Variants in SCLT1 observed in about 807,000 individuals in gnomAD.
SCLT1 encodes the protein sodium channel-associated protein 1.
A neutral mutation model predicts 112.8 loss-of-function variants in SCLT1; 78 were observed. That is an observed-to-expected ratio of 0.69 (90% confidence interval 0.58 to 0.83). The LOEUF (loss-of-function observed/expected upper bound fraction) is 0.83. Among genes scored for constraint, SCLT1 ranks in the 40% least tolerant of loss-of-function variants. The pLI is 0.00. For missense variants in SCLT1, 747 were observed against 770.4 expected (o/e 0.97, Z 0.36); for synonymous variants, 257 against 254.7 (o/e 1.01, Z -0.09).
intron 5 of SCLT1, among the ~76,000 whole-genome samples, chr4:129,011,383 T>C (rs1392306081): frequency 6.6e-6 from 1 of 152,162 alleles, no homozygotes; most frequent in African/African-American, 2.4e-5. Flanking sequence ...AGTTTTCTTT[T>C]TTGTTGTATC....
At chr4:129,043,368 A>T in intron 4 of SCLT1, 27 bp downstream of exon 4, 2 of 1,143,012 alleles carry the variant, frequency 1.7e-6, no homozygotes, top group Non-Finnish European at 2.6e-6. Context: ...AAAATATTAC[A>T]AAAGCCTCAT....
chr4:129,032,346 A>C (rs1746798387), intron 5 of SCLT1, among the ~76,000 whole-genome samples: 1 of 151,848 alleles, frequency 6.6e-6, no homozygotes, highest in African/African-American at 2.4e-5. Flanking sequence ...ACTCAAAATA[A>C]ATTAAAGACT....
Position 129,081,830 on chromosome 4 carries a change from T to TA in SCLT1, c.102+475dup, listed in dbSNP as rs1751967827. 5.9e-5 allele frequency among the ~76,000 whole-genome samples: 9 copies of TA among 152,350 alleles called. No individual in the cohort carries two copies. The South Asian group carries it at 1.9e-3, about 32-fold the overall frequency. On this transcript the variant is annotated intron_variant, in intron 2 of 20. Coordinates refer to ENST00000281142, the MANE Select transcript of SCLT1 (RefSeq NM_144643.4). ...GAGTCACCACTAATCTACGAGCCATTACCTTCCTTTTAATATTCTGTAATG... is the reference window on the plus strand; with the variant it reads ...GAGTCACCACTAATCTACGAGCCATTAACCTTCCTTTTAATATTCTGTAATG...
At chr4:128,915,760 A>T (rs1212504338) in intron 18 of SCLT1, among the ~76,000 whole-genome samples, 1 of 152,220 alleles carries the variant, frequency 6.6e-6, no homozygotes, top group African/African-American at 2.4e-5. Context: ...TGTTCTGGAT[A>T]TCTACTAGTG....
At chr4:128,881,773 C>T (rs181666921), downstream of SCLT1, among the ~76,000 whole-genome samples, 1 of 152,240 alleles carries the variant, frequency 6.6e-6, no homozygotes, top group East Asian at 1.9e-4. Context: ...GTGTTAAAAA[C>T]TCCACTACAT....
chr4:128,972,288 G>A (rs1313057918), intron 9 of SCLT1: 1 of 152,074 alleles, frequency 6.6e-6, no homozygotes, highest in Non-Finnish European at 1.5e-5. Flanking sequence ...CAACCACACT[G>A]ATTTGGTTTT....
intron 18 of SCLT1, among the ~76,000 whole-genome samples, chr4:128,927,650 A>G (rs1321918375): frequency 6.6e-6 from 1 of 152,086 alleles, no homozygotes; most frequent in Non-Finnish European, 1.5e-5. Flanking sequence ...AAGCTAAGAC[A>G]TAGGGAAAAA....
intron 9 of SCLT1, among the ~76,000 whole-genome samples, chr4:128,991,715 G>C (rs1742587832): frequency 6.6e-6 from 1 of 151,732 alleles, no homozygotes. Context: ...ATAGGTATAT[G>C]AAAAAATGCT....
intron 18 of SCLT1, among the ~76,000 whole-genome samples, chr4:128,923,909 G>A (rs1424187457): frequency 6.6e-6 from 1 of 151,820 alleles, no homozygotes; most frequent in African/African-American, 2.4e-5. Context: ...CCCAGGCTCA[G>A]GTGATCCTCC....
intron 5 of SCLT1, among the ~76,000 whole-genome samples, chr4:129,023,716 G>T (rs551636361): frequency 3.3e-5 from 5 of 152,196 alleles, no homozygotes; most frequent in African/African-American, 1.2e-4. Context: ...CACTGTGTGC[G>T]AGCTGAAGCA....
chr4:128,898,849 C>T (rs890839440), intron 18 of SCLT1, among the ~76,000 whole-genome samples: 2 of 152,146 alleles, frequency 1.3e-5, no homozygotes, highest in Admixed American at 6.5e-5. Flanking sequence ...GATATCACCA[C>T]CAATCTCACA....
chr4:128,976,750 T>C (rs1012550347), intron 9 of SCLT1, among the ~76,000 whole-genome samples: 1 of 152,166 alleles, frequency 6.6e-6, no homozygotes, highest in Non-Finnish European at 1.5e-5. Flanking sequence ...GAGAGGTATT[T>C]AAAGCAAGAA....
chr4:128,888,834 G>T, intron 19 of SCLT1, 60 bp from the exon 20 acceptor site: 1 of 1,016,494 alleles, frequency 9.8e-7, no homozygotes, highest in Non-Finnish European at 1.5e-6. Flanking sequence ...GATGTTTTGT[G>T]GAATAATCAA....
At chr4:128,929,358 T>C (rs927350691) in intron 18 of SCLT1, among the ~76,000 whole-genome samples, 10 of 152,194 alleles carry the variant, frequency 6.6e-5, no homozygotes, top group African/African-American at 2.4e-4. Context: ...GACTTAATAT[T>C]ATAAAAATTT....
At chr4:129,027,253 G>A (rs1746195771) in intron 5 of SCLT1, among the ~76,000 whole-genome samples, 1 of 152,106 alleles carries the variant, frequency 6.6e-6, no homozygotes, top group African/African-American at 2.4e-5. Flanking sequence ...AACCAAAAAA[G>A]AGAATTTTAG....
chr4:129,056,631 C>A (rs72685328), intron 2 of SCLT1, among the ~76,000 whole-genome samples: 41,049 of 151,838 alleles, frequency 0.27, 5,928 homozygotes, highest in South Asian at 0.35. Flanking sequence ...TTTTTTTCTC[C>A]CACTAGTTTA....
intron 2 of SCLT1, among the ~76,000 whole-genome samples, chr4:129,075,941 C>T (rs558327173): frequency 2.6e-5 from 4 of 152,286 alleles, no homozygotes; most frequent in Admixed American, 2.6e-4. Context: ...TTCCCTGCCT[C>T]AAGGCCCCTT....
chr4:129,008,569 T>C (rs1292411724), intron 5 of SCLT1, among the ~76,000 whole-genome samples: 1 of 152,264 alleles, frequency 6.6e-6, no homozygotes, highest in African/African-American at 2.4e-5. Context: ...ATTTCTGTCT[T>C]TCCTGTTCTC....
chr4:128,925,477 C>T (rs1192754118), intron 18 of SCLT1, among the ~76,000 whole-genome samples: 2 of 152,004 alleles, frequency 1.3e-5, no homozygotes, highest in South Asian at 2.1e-4. Context: ...GCATGTGCCA[C>T]CACTCCTGGC....
Sources: gnomAD v4.1 joint callset for allele counts (sites outside exome capture counted in the v4.1 genomes callset) on GRCh38, gnomAD v4.1.1 for gene constraint, MANE v1.5 for transcripts, NCBI Gene and HGNC (gene_info 2026-07-23, HGNC 2026-07-21) for gene names.